RTN4: variants seen among roughly 807,000 people sequenced by gnomAD.
RTN4 encodes the protein reticulon-4.
Under a neutral mutation model 90.4 loss-of-function variants are expected in RTN4, and 32 were observed. The ratio of observed to expected loss-of-function variants is 0.35; its 90% CI spans 0.27 to 0.48. The LOEUF (loss-of-function observed/expected upper bound fraction) is 0.48. RTN4 is among the 20% of genes least tolerant of loss of function. The pLI, the probability that RTN4 is intolerant of heterozygous loss-of-function variation, is 0.99. For missense variants in RTN4, 1,706 were observed against 1,430.2 expected (o/e 1.19, Z -3.11); for synonymous variants, 629 against 552.5 (o/e 1.14, Z -1.94).
chr2:55,024,501 A>G (rs1224072568), intron 3 of RTN4, among the ~76,000 whole-genome samples: 1 of 152,204 alleles, frequency 6.6e-6, no homozygotes, highest in Non-Finnish European at 1.5e-5. Flanking sequence ...TATGCAAATC[A>G]GGTATGTGGA....
At chr2:55,039,662 C>T (rs2104933063) in intron 1 of RTN4, among the ~76,000 whole-genome samples, 1 of 152,128 alleles carries the variant, frequency 6.6e-6, no homozygotes, top group East Asian at 1.9e-4. Flanking sequence ...TGCCTGTAAT[C>T]ACAGCTACTC....
intron 5 of RTN4, among the ~76,000 whole-genome samples, chr2:54,978,643 G>C (rs150124871): frequency 1.3e-5 from 2 of 152,190 alleles, no homozygotes; most frequent in Admixed American, 1.3e-4. Flanking sequence ...ATTTAGAAAT[G>C]AGAGTAATTT....
At chr2:54,984,855 C>G (rs1678421894) in intron 4 of RTN4, among the ~76,000 whole-genome samples, 1 of 152,150 alleles carries the variant, frequency 6.6e-6, no homozygotes, top group Admixed American at 6.5e-5. Flanking sequence ...CCTGTAGTCC[C>G]AGCTACTTGG....
chr2:55,101,027 C>T (rs1667843609), intron 1 of RTN4, among the ~76,000 whole-genome samples: 1 of 151,860 alleles, frequency 6.6e-6, no homozygotes, highest in South Asian at 2.1e-4. Context: ...GTAATAGAAA[C>T]TATTAAGCCA....
chr2:55,075,279 AC>A (rs777064235), intron 2 of RTN4, among the ~76,000 whole-genome samples: 10 of 152,194 alleles, frequency 6.6e-5, no homozygotes, highest in Non-Finnish European at 1.3e-4. Flanking sequence ...CTATACACCA[AC>A]AGCGACCAAG....
At chr2:55,038,816 A>G (rs1304027975) in intron 1 of RTN4, among the ~76,000 whole-genome samples, 1 of 152,278 alleles carries the variant, frequency 6.6e-6, no homozygotes, top group South Asian at 2.1e-4. Flanking sequence ...GAATGTTCAC[A>G]GCATTTTGTT....
At chr2:55,065,577 A>G (rs1164079140) in intron 2 of RTN4, among the ~76,000 whole-genome samples, 1 of 152,226 alleles carries the variant, frequency 6.6e-6, no homozygotes, top group Non-Finnish European at 1.5e-5. Context: ...TACTATAAAA[A>G]TGGTTTGCAA....
intron 5 of RTN4, among the ~76,000 whole-genome samples, chr2:54,975,270 G>A (rs1033220157): frequency 3.9e-5 from 6 of 152,162 alleles, no homozygotes; most frequent in African/African-American, 1.4e-4. Flanking sequence ...GCCTTTGAAG[G>A]ATCAGGCACA....
chr2:55,080,607 C>T (rs959413418), exon 2 of RTN4: 1 of 152,132 alleles, frequency 6.6e-6, no homozygotes, highest in African/African-American at 2.4e-5. Flanking sequence ...TACTCATATC[C>T]AGAATAGTCT....
intron 5 of RTN4, 119 bp from the exon 6 acceptor site, chr2:54,974,883 G>C: frequency 1.3e-6 from 1 of 744,064 alleles, no homozygotes; most frequent in East Asian, 2.6e-5. Flanking sequence ...TTGAAGACTG[G>C]GTAAAGTACC....
chr2:55,117,885 A>G, the RTN4 span, among the ~76,000 whole-genome samples: 1 of 152,190 alleles, frequency 6.6e-6, no homozygotes, highest in African/African-American at 2.4e-5. Context: ...GCAATGTTCC[A>G]TTTCTTAACA....
intron 1 of RTN4, among the ~76,000 whole-genome samples, chr2:55,106,436 G>A (rs1244012494): frequency 6.6e-6 from 1 of 152,100 alleles, no homozygotes; most frequent in Non-Finnish European, 1.5e-5. Context: ...CCCTCATCCA[G>A]GGCCTCACAC....
chr2:55,011,716 TTAAACA>T (rs1458020976), intron 3 of RTN4, among the ~76,000 whole-genome samples: 1 of 151,984 alleles, frequency 6.6e-6, no homozygotes, highest in Non-Finnish European at 1.5e-5. Flanking sequence ...CATGTAAGAC[TTAAACA>T]TAGAAAGAAC....
At chr2:54,993,700 A>C (rs1679202972) in intron 3 of RTN4, among the ~76,000 whole-genome samples, 1 of 152,222 alleles carries the variant, frequency 6.6e-6, no homozygotes, top group Non-Finnish European at 1.5e-5. Flanking sequence ...AGACATACTG[A>C]AACAAGTACT....
chr2:55,049,770 C>T lies in RTN4; in HGVS notation c.531G>A (p.Lys177=). 1 of 1,327,886 alleles carries T rather than the reference C, an allele frequency of 7.5e-7. No homozygotes were observed. The highest frequency in any genetic ancestry group is 9.6e-7 in the Non-Finnish European group (1 of 1,040,436). 82.3% of individuals were successfully genotyped at this position (1,327,886 alleles called of 1,614,324 possible). ...AAPPSTPAAP[K]RRGSSGSVDE... ...CCACTGAGCCCGAGGAGCCCCTGCG[C>T]TTGGGCGCGGCCGGGGTGGAGGGGG... Residue 177 remains lysine, a synonymous_variant, in exon 1 of 9, where the codon AAG becomes AAA. Transcript: ENST00000337526.
chr2:54,999,280 A>G (rs886796356), intron 3 of RTN4, among the ~76,000 whole-genome samples: 1 of 152,200 alleles, frequency 6.6e-6, no homozygotes, highest in African/African-American at 2.4e-5. Flanking sequence ...ATGCACAGTA[A>G]GAAGAGCTGC....
At chr2:55,083,669 T>C (rs182834097) in intron 1 of RTN4, among the ~76,000 whole-genome samples, 5 of 152,218 alleles carry the variant, frequency 3.3e-5, no homozygotes, top group Admixed American at 2.0e-4. Context: ...AGGGGAAAAA[T>C]TGTGTTTTCA....
At chr2:55,116,091 C>CTTTTTTTTTTTTTTTTTTTTTTTTTTTTT, upstream of RTN4, among the ~76,000 whole-genome samples, 1 of 105,474 alleles carries the variant, frequency 9.5e-6, no homozygotes, top group Non-Finnish European at 1.8e-5. Flanking sequence ...GGGGACTAGT[C>CTTTTTTTTTTTTTTTTTTTTTTTTTTTTT]TTTTTTTTTT....
At chr2:55,013,608 T>TGGG (rs57840770) in intron 3 of RTN4, among the ~76,000 whole-genome samples, 3 of 62,520 alleles carry the variant, frequency 4.8e-5, no homozygotes, top group Non-Finnish European at 6.6e-5. Context: ...GGTTTTTTTT[T>TGGG]GGGGGGGGGG....
Sources: allele counts gnomAD v4.1 joint callset (sites outside exome capture counted in the v4.1 genomes callset), GRCh38; gene constraint gnomAD v4.1.1; transcripts MANE v1.5; gene names NCBI Gene and HGNC (gene_info 2026-07-23, HGNC 2026-07-21).